Variants in LRRC4C observed in about 807,000 individuals in gnomAD.
The protein encoded by LRRC4C is leucine-rich repeat-containing protein 4C.
A neutral mutation model predicts 33.6 loss-of-function variants in LRRC4C; 5 were observed. The ratio of observed to expected loss-of-function variants is 0.15; its 90% CI spans 0.08 to 0.31. The LOEUF (loss-of-function observed/expected upper bound fraction) is 0.31. LRRC4C is among the 10% of genes least tolerant of loss of function. LRRC4C has a pLI of 1.00. For missense variants in LRRC4C, 560 were observed against 796.7 expected (o/e 0.70, Z 3.58); for synonymous variants, 329 against 302.0 (o/e 1.09, Z -0.93).
intron 1 of LRRC4C, among the ~76,000 whole-genome samples, chr11:41,126,673 G>T (rs1027930414): frequency 6.6e-6 from 1 of 151,756 alleles, no homozygotes; most frequent in Non-Finnish European, 1.5e-5. Flanking sequence ...CAACAAACAC[G>T]AAACAAGCAG....
At chr11:40,740,534 T>A (rs2136899659) in intron 2 of LRRC4C, among the ~76,000 whole-genome samples, 1 of 152,216 alleles carries the variant, frequency 6.6e-6, no homozygotes, top group South Asian at 2.1e-4. Context: ...TTATATATTT[T>A]AGATATTATC....
At chr11:41,385,411 G>A (rs934361914) in intron 1 of LRRC4C, among the ~76,000 whole-genome samples, 6 of 151,436 alleles carry the variant, frequency 4.0e-5, no homozygotes, top group Non-Finnish European at 8.9e-5. Flanking sequence ...AATGCTTGGT[G>A]TGATACAGAG....
chr11:40,965,849 C>T (rs187746974), intron 1 of LRRC4C, among the ~76,000 whole-genome samples: 2,125 of 151,730 alleles, frequency 0.014, 57 homozygotes, highest in African/African-American at 0.049. Context: ...CTTGGTGATG[C>T]GGGCTCTTTT....
intron 1 of LRRC4C, among the ~76,000 whole-genome samples, chr11:40,981,109 T>A (rs116280265): frequency 6.6e-6 from 1 of 152,076 alleles, no homozygotes; most frequent in South Asian, 2.1e-4. Flanking sequence ...ATCTGAAATA[T>A]ATGTGGCTGA....
chr11:40,875,968 G>A (rs1954867306), intron 2 of LRRC4C, among the ~76,000 whole-genome samples: 2 of 152,154 alleles, frequency 1.3e-5, no homozygotes, highest in Middle Eastern at 3.4e-3. Context: ...TGTTACTTAT[G>A]TCCAGTCTAC....
chr11:40,351,068 C>T (rs1291024001), intron 3 of LRRC4C, among the ~76,000 whole-genome samples: 1 of 151,890 alleles, frequency 6.6e-6, no homozygotes, highest in African/African-American at 2.4e-5. Context: ...AATTTAAGTG[C>T]CCTTTCTTTC....
intron 1 of LRRC4C, among the ~76,000 whole-genome samples, chr11:41,449,960 C>T (rs1955965921): frequency 6.6e-6 from 1 of 152,008 alleles, no homozygotes; most frequent in South Asian, 2.1e-4. Context: ...AAACTGTCAT[C>T]CCTCTAGCTT....
intron 1 of LRRC4C, among the ~76,000 whole-genome samples, chr11:41,025,520 A>T (rs926393528): frequency 1.9e-4 from 13 of 69,802 alleles, no homozygotes; most frequent in Non-Finnish European, 4.5e-4. Flanking sequence ...GCCTGAAGGT[A>T]AAAAAAAAGA....
At chr11:41,249,045 T>C (rs999067583) in intron 1 of LRRC4C, among the ~76,000 whole-genome samples, 3 of 151,926 alleles carry the variant, frequency 2.0e-5, no homozygotes, top group Non-Finnish European at 2.9e-5. Flanking sequence ...TCTTCTTTTT[T>C]TTTTTTTGAG....
intron 1 of LRRC4C, among the ~76,000 whole-genome samples, chr11:41,100,084 C>T (rs1941073418): frequency 6.6e-6 from 1 of 151,970 alleles, no homozygotes; most frequent in South Asian, 2.1e-4. Context: ...AGAAATGCAA[C>T]CCCATTCACA....
At chr11:41,132,728 CTT>C (rs1335899813) in intron 1 of LRRC4C, among the ~76,000 whole-genome samples, 4 of 151,984 alleles carry the variant, frequency 2.6e-5, no homozygotes, top group African/African-American at 7.2e-5. Flanking sequence ...TAAATTGTGT[CTT>C]ATTGCTTTTA....
chr11:41,289,228 T>C (rs534156254), intron 1 of LRRC4C, among the ~76,000 whole-genome samples: 56 of 152,308 alleles, frequency 3.7e-4, no homozygotes, highest in African/African-American at 1.3e-3. Flanking sequence ...CCACTATACA[T>C]ATAATTTCTT....
intron 1 of LRRC4C, among the ~76,000 whole-genome samples, chr11:41,237,341 G>C (rs886235527): frequency 1.3e-5 from 2 of 152,068 alleles, no homozygotes; most frequent in African/African-American, 4.8e-5. Flanking sequence ...TAATGCCCAG[G>C]TATAGGATAC....
chr11:40,479,887 A>G (rs921514930), intron 3 of LRRC4C, among the ~76,000 whole-genome samples: 4 of 152,166 alleles, frequency 2.6e-5, no homozygotes, highest in African/African-American at 7.2e-5. Flanking sequence ...TAACATTGGG[A>G]AACCTTATTT....
chr11:40,232,754 A>G lies in LRRC4C; in HGVS notation c.-96+8765T>C, dbSNP rs78170537. 5.0e-3 allele frequency among the ~76,000 whole-genome samples: 766 copies of G among 152,128 alleles called. 7 individuals are homozygous for G. Among genetic ancestry groups the G allele is most frequent in the African/African-American group, 0.017 (719 of 41,520 alleles). ...AATATCATCCCTCCTCTCATGGGAG[A>G]TTTTTTAGGTGCCATTTCTCAGAGA... is the stretch of plus-strand genomic sequence containing the variant. On this transcript the variant is annotated intron_variant, in intron 5 of 6. Coordinates refer to ENST00000528697, the MANE Select transcript of LRRC4C (RefSeq NM_001258419.2).
intron 1 of LRRC4C, among the ~76,000 whole-genome samples, chr11:41,261,824 T>C (rs1047622953): frequency 6.6e-6 from 1 of 152,052 alleles, no homozygotes; most frequent in Non-Finnish European, 1.5e-5. Context: ...ATTCAATGTG[T>C]TTTCACTATG....
chr11:40,364,181 C>CACA (rs1466238528), intron 3 of LRRC4C, among the ~76,000 whole-genome samples: 2 of 151,834 alleles, frequency 1.3e-5, no homozygotes, highest in Non-Finnish European at 2.9e-5. Flanking sequence ...GGTGTCCAAA[C>CACA]ACAACAACAA....
rs374254439 is a variant in LRRC4C, at chr11:40,385,508, AGAG to A, written c.-269-65790_-269-65788del. 3.3e-4 allele frequency among the ~76,000 whole-genome samples: 51 copies of A among 152,258 alleles called. 1 individual carries two copies. The East Asian group carries it at 8.5e-3, about 25-fold the overall frequency. On this transcript the variant is annotated intron_variant, in intron 3 of 6. Transcript: ENST00000528697. ...AAACATTGCGTACACATGGAAATAA[AGAG>A]GAGAACAACAGACATTGAAGACTAC...
intron 1 of LRRC4C, among the ~76,000 whole-genome samples, chr11:41,379,211 T>C (rs1181551952): frequency 6.6e-6 from 1 of 152,108 alleles, no homozygotes; most frequent in African/African-American, 2.4e-5. Flanking sequence ...TGCACTGTGG[T>C]TAAATATAGC....
Sources: allele counts gnomAD v4.1 joint callset (sites outside exome capture counted in the v4.1 genomes callset), GRCh38; gene constraint gnomAD v4.1.1; transcripts MANE v1.5; gene names NCBI Gene and HGNC (gene_info 2026-07-23, HGNC 2026-07-21).